UNC5D: variants seen among roughly 807,000 people sequenced by gnomAD.
UNC5D encodes the protein unc-5 netrin receptor D.
UNC5D carries 39 observed loss-of-function variants against 105.4 expected under a neutral mutation model. The ratio of observed to expected loss-of-function variants is 0.37; its 90% CI spans 0.29 to 0.48. UNC5D has a LOEUF of 0.48. Ranked by LOEUF, UNC5D falls within the 20% of genes least tolerant of loss-of-function variation. UNC5D has a pLI of 0.98. For missense variants in UNC5D, 991 were observed against 1,202.4 expected (o/e 0.82, Z 2.60); for synonymous variants, 452 against 450.4 (o/e 1.00, Z -0.04).
chr8:35,507,049 C>CT (rs71215631), intron 1 of UNC5D, among the ~76,000 whole-genome samples: 14,521 of 76,344 alleles, frequency 0.19, 2,084 homozygotes, highest in South Asian at 0.24. Context: ...CAGGGCTTTT[C>CT]TTTTTTTTTT....
intron 1 of UNC5D, among the ~76,000 whole-genome samples, chr8:35,455,922 G>A (rs1193554898): frequency 6.6e-6 from 1 of 152,058 alleles, no homozygotes; most frequent in Non-Finnish European, 1.5e-5. Flanking sequence ...GAGAATTATG[G>A]GAGCTATAAT....
intron 1 of UNC5D, among the ~76,000 whole-genome samples, chr8:35,338,581 G>A (rs1337796656): frequency 3.3e-5 from 5 of 152,076 alleles, no homozygotes; most frequent in Non-Finnish European, 7.3e-5. Context: ...CCAGAGTACT[G>A]AATGCCCATT....
chr8:35,731,442 T>C (rs1011912674), intron 11 of UNC5D, among the ~76,000 whole-genome samples: 7 of 115,824 alleles, frequency 6.0e-5, no homozygotes, highest in African/African-American at 2.2e-4. Context: ...GCATTTTAAA[T>C]ATGGACTGGA....
intron 15 of UNC5D, among the ~76,000 whole-genome samples, chr8:35,768,058 G>T (rs1801852210): frequency 6.6e-6 from 1 of 150,862 alleles, no homozygotes; most frequent in Admixed American, 6.6e-5. Context: ...ATAAATTTAG[G>T]CTTGGCAGAA....
intron 1 of UNC5D, among the ~76,000 whole-genome samples, chr8:35,439,102 C>T (rs1312313722): frequency 6.6e-6 from 1 of 151,736 alleles, no homozygotes; most frequent in Non-Finnish European, 1.5e-5. Context: ...AGTTCTAGAT[C>T]TTGAAATGCG....
chr8:35,401,179 A>C (rs1804435101), intron 1 of UNC5D, among the ~76,000 whole-genome samples: 2 of 152,172 alleles, frequency 1.3e-5, no homozygotes. Flanking sequence ...ACAAGGGTCC[A>C]GGTGCGGTGG....
At chr8:35,455,629 G>A (rs890873636) in intron 1 of UNC5D, among the ~76,000 whole-genome samples, 3 of 151,264 alleles carry the variant, frequency 2.0e-5, no homozygotes, top group Non-Finnish European at 4.4e-5. Flanking sequence ...CTCTTTTTAT[G>A]CTGCTGATAA....
At chr8:35,771,831 T>C (rs929008421) in intron 15 of UNC5D, among the ~76,000 whole-genome samples, 7 of 152,186 alleles carry the variant, frequency 4.6e-5, no homozygotes, top group Non-Finnish European at 1.0e-4. Context: ...GGTATAGTTG[T>C]TAGGATGTCA....
intron 3 of UNC5D, among the ~76,000 whole-genome samples, chr8:35,585,986 G>A (rs370817937): frequency 4.6e-5 from 7 of 152,054 alleles, no homozygotes; most frequent in African/African-American, 1.7e-4. Context: ...GAAATGTGCA[G>A]AGTCAGCCAG....
chr8:35,355,219 T>C (rs1801479792), intron 1 of UNC5D, among the ~76,000 whole-genome samples: 1 of 152,152 alleles, frequency 6.6e-6, no homozygotes, highest in Admixed American at 6.5e-5. Context: ...TCCCCCTTTT[T>C]TTTGAACAAC....
chr8:35,628,315 T>G (rs1282937334), intron 4 of UNC5D, among the ~76,000 whole-genome samples: 1 of 152,018 alleles, frequency 6.6e-6, no homozygotes, highest in African/African-American at 2.4e-5. Context: ...TGTATTTTTA[T>G]TAGAGACAGG....
chr8:35,471,017 C>T (rs1809683615), intron 1 of UNC5D, among the ~76,000 whole-genome samples: 1 of 151,994 alleles, frequency 6.6e-6, no homozygotes, highest in African/African-American at 2.4e-5. Flanking sequence ...CTTAACTTCA[C>T]ACAGCAAGTT....
chr8:35,249,396 G>A (rs1056943370), intron 1 of UNC5D, among the ~76,000 whole-genome samples: 78 of 149,290 alleles, frequency 5.2e-4, no homozygotes, highest in African/African-American at 1.9e-3. Flanking sequence ...CATCTCTACT[G>A]AAAATACAAA....
At chr8:35,477,181 T>C (rs1810160525) in intron 1 of UNC5D, among the ~76,000 whole-genome samples, 1 of 152,236 alleles carries the variant, frequency 6.6e-6, no homozygotes, top group Non-Finnish European at 1.5e-5. Flanking sequence ...TCATTTAATT[T>C]TGAAATTATT....
intron 1 of UNC5D, among the ~76,000 whole-genome samples, chr8:35,443,671 A>G (rs554235622): frequency 6.6e-6 from 1 of 152,056 alleles, no homozygotes; most frequent in South Asian, 2.1e-4. Flanking sequence ...ACTGGAAAGA[A>G]TATTTTTTAT....
At chr8:35,483,530 T>C (rs750787828) in intron 1 of UNC5D, among the ~76,000 whole-genome samples, 3 of 152,156 alleles carry the variant, frequency 2.0e-5, no homozygotes, top group African/African-American at 7.2e-5. Context: ...GTGGCTTTAG[T>C]TAAGGAAATT....
At chr8:35,309,535 C>G (rs1370891034) in intron 1 of UNC5D, among the ~76,000 whole-genome samples, 1 of 152,162 alleles carries the variant, frequency 6.6e-6, no homozygotes, top group Non-Finnish European at 1.5e-5. Context: ...AAGTGTAAGT[C>G]TCCTTTGAAA....
intron 3 of UNC5D, among the ~76,000 whole-genome samples, chr8:35,569,050 TAAAA>T (rs34277362): frequency 5.0e-5 from 6 of 118,844 alleles, no homozygotes; most frequent in Non-Finnish European, 7.7e-5. Flanking sequence ...CAAGTAGGAC[TAAAA>T]AAAAAAAAAA....
In UNC5D at chr8:35,367,796, G is replaced by A. The variant is rs370885195; in HGVS notation, c.103+131909G>A. On this transcript the variant is annotated intron_variant, in intron 1 of 16. Coordinates refer to ENST00000404895, the MANE Select transcript of UNC5D (RefSeq NM_080872.4). ...TTGCTCTGATTGGTCTCCTTCGCTT[G>A]TTCTACCAAATGAGTCAAACCAGTT... 6.6e-4 allele frequency among the ~76,000 whole-genome samples: 101 copies of A among 152,272 alleles called. 2 individuals are homozygous for A. In the South Asian group the frequency reaches 0.01, roughly 15 times the overall value.
Sources: gnomAD v4.1 joint callset for allele counts (sites outside exome capture counted in the v4.1 genomes callset) on GRCh38, gnomAD v4.1.1 for gene constraint, MANE v1.5 for transcripts, NCBI Gene and HGNC (gene_info 2026-07-23, HGNC 2026-07-21) for gene names.